APLP1: variants seen among roughly 807,000 people sequenced by gnomAD.
APLP1 encodes the protein amyloid beta precursor like protein 1, also known as amyloid beta (A4) precursor-like protein 1.
In APLP1, 46 loss-of-function variants were observed where a neutral mutation model predicts 84.5. The observed-to-expected ratio is 0.54, with a 90% CI of 0.43 to 0.70. APLP1 has a LOEUF of 0.70. Ranked by LOEUF, APLP1 falls within the 30% of genes least tolerant of loss-of-function variation. The probability of loss-of-function intolerance (pLI) is 0.00; values close to 1 mark genes in which losing one functional copy is unlikely to be tolerated. For synonymous variants in APLP1, 376 were observed against 364.0 expected (o/e 1.03, Z -0.38); for missense variants, 826 against 900.2 (o/e 0.92, Z 1.05).
rs1974060231 is a variant in APLP1, at chr19:35,868,848, C to T, written c.147+65C>T. 1.6e-6 allele frequency: 2 copies of T among 1,239,210 alleles called. No homozygotes were observed. The highest frequency in any genetic ancestry group is 6.4e-5 in the East Asian group (2 of 31,128). The allele number at this position is 1,239,210 out of a possible 1,614,324, so 76.8% of individuals were successfully genotyped here. A position where few individuals can be genotyped will look rare whatever the true frequency, so the allele number is the denominator to read the frequency against. ...GGGACCGGGTCTCTGGACGCCGGCG[C>T]GGACATGTCCAGGGCAGAAAGCGCG... On this transcript the variant is annotated intron_variant, in intron 1 of 16. Transcript: ENST00000221891. This position sits in a 1 kb window ranked among gnomAD's most constrained non-coding sequence, Gnocchi z 5.2.
At chr19:35,875,603 G>A (rs1312977205) in intron 10 of APLP1, among the ~76,000 whole-genome samples, 1 of 152,116 alleles carries the variant, frequency 6.6e-6, no homozygotes, top group African/African-American at 2.4e-5. Flanking sequence ...TTACAGGTGT[G>A]AGCCACCACG....
chr19:35,878,918 C>T lies in APLP1; in HGVS notation c.1679C>T (p.Pro560Leu). 1 of 1,614,150 alleles carries T rather than the reference C, an allele frequency of 6.2e-7. No homozygotes were observed. The highest frequency in any genetic ancestry group is 1.1e-5 in the South Asian group (1 of 91,078). ...KVNASVPRGFPFHSSEIQRDE... is the reference protein window; with the variant it reads ...KVNASVPRGFLFHSSEIQRDE... ...AATGCGTCTGTTCCAAGGGGTTTCC[C>T]TTTCCACTCATCGGAGATTCAGAGG... is the stretch of plus-strand genomic sequence containing the variant. The change falls in exon 15 of 17, where the codon CCT (proline) becomes CTT (leucine). Residue 560 changes from proline to leucine, a missense_variant. Coordinates refer to ENST00000221891, the MANE Select transcript of APLP1 (RefSeq NM_001024807.3).
Position 35,877,742 on chromosome 19 carries a change from T to C in APLP1, c.1469T>C (p.Leu490Pro), listed in dbSNP as rs755121873. The part of the protein sequence containing the change: ...QIQELLHSEH[L>P]GPSELEAPAP... Reference sequence around the variant, plus strand: ...GAGGAACTCCTCCACTCTGAACACCTGGGTCCCAGTGAATTGGAAGCCCCT... The same window carrying C: ...GAGGAACTCCTCCACTCTGAACACCCGGGTCCCAGTGAATTGGAAGCCCCT... Residue 490 changes from leucine (L) to proline (P), a missense_variant, in exon 12 of 17, where the codon CTG becomes CCG. Leu to Pro is a moderately conservative substitution (Grantham distance 98). Coordinates refer to ENST00000221891, the MANE Select transcript of APLP1 (RefSeq NM_001024807.3). 2.5e-6 allele frequency: 4 copies of C among 1,610,734 alleles called. No homozygotes were observed. Among genetic ancestry groups the C allele is most frequent in the Non-Finnish European group, 2.5e-6 (3 of 1,179,076 alleles).
chr19:35,876,421 C>A, intron 10 of APLP1, 96 bp from the exon 11 acceptor site: 1 of 1,073,838 alleles, frequency 9.3e-7, no homozygotes, highest in Non-Finnish European at 1.4e-6. Context: ...TGCCGCTTTT[C>A]CTCAGTCGCT....
rs749914764 is a variant in APLP1, at chr19:35,876,587, AC to A, written c.1417del (p.Leu473TrpfsTer50). The A allele has an allele frequency of 6.2e-7, 1 of 1,612,758 alleles. No homozygotes were observed. Among genetic ancestry groups the A allele is most frequent in the South Asian group, 1.1e-5 (1 of 90,896 alleles). On this transcript the variant is annotated frameshift_variant, in exon 11 of 17. Coordinates refer to ENST00000221891, the MANE Select transcript of APLP1 (RefSeq NM_001024807.3). LOFTEE classifies it high-confidence loss of function. ...CTGGGCCTGCTTGACCAGAACCCCCACCTGGCTCAGGAGCTGCGGCCCCAAA... is the reference window on the plus strand; with the variant it reads ...CTGGGCCTGCTTGACCAGAACCCCCACTGGCTCAGGAGCTGCGGCCCCAAA... The part of the protein sequence containing the change: ...QSLGLLDQNP[H>X]LAQELRPQIQ...
At chr19:35,875,986 G>T (rs1974274138) in intron 10 of APLP1, among the ~76,000 whole-genome samples, 1 of 151,338 alleles carries the variant, frequency 6.6e-6, no homozygotes, top group Non-Finnish European at 1.5e-5. Context: ...TGTTGCCCAG[G>T]CTAGTCTCAA....
At chr19:35,869,316 G>A (rs774688450) in intron 1 of APLP1, 2 of 538,000 alleles carry the variant, frequency 3.7e-6, no homozygotes, top group African/African-American at 2.0e-5. Context: ...CTGAGCAAGG[G>A]ATGGAGGGAG....
chr19:35,874,810 C>G lies in APLP1; in HGVS notation c.1285C>G (p.Arg429Gly). 2.5e-6 allele frequency: 4 copies of G among 1,612,648 alleles called. No homozygotes were observed. The highest frequency in any genetic ancestry group is 3.4e-6 in the Non-Finnish European group (4 of 1,179,978). ...GCAGAAGGAACAGAGGCACACGCTG[C>G]GCCACTACCAGCATGTGGCCGCCGT... ...AEQKEQRHTL[R>G]HYQHVAAVDP... Residue 429 changes from arginine (R) to glycine (G), a missense_variant, in exon 10 of 17, where the codon CGC becomes GGC. Physicochemically the swap from Arg to Gly is moderately radical, Grantham distance 125 (BLOSUM62 -2). This residue lies in a region of APLP1 where 433 missense variants were observed against 496.5 expected (regional missense o/e 0.87). Coordinates refer to ENST00000221891, the MANE Select transcript of APLP1 (RefSeq NM_001024807.3). This position sits in a 1 kb window ranked among gnomAD's most constrained non-coding sequence, Gnocchi z 6.4.
In APLP1 at chr19:35,874,474, C is replaced by T. The variant is rs767876178; in HGVS notation, c.1057-30C>T. 3 of 1,612,814 alleles carry T rather than the reference C, an allele frequency of 1.9e-6. No individual in the cohort carries two copies. Among genetic ancestry groups the T allele is most frequent in the African/African-American group, 1.3e-5 (1 of 75,052 alleles). ...ACCAGGCTTTGACCCATCTTCTCCT[C>T]TCCTGACCCTGTGCCCACCCGCTCC... is the stretch of plus-strand genomic sequence containing the variant. On this transcript the variant is annotated intron_variant, in intron 8 of 16. Transcript: ENST00000221891. The surrounding 1 kb of genome is among the most constrained non-coding windows in gnomAD (Gnocchi z 6.4).
chr19:35,878,788 G>T, intron 14 of APLP1, 102 bp from the exon 15 acceptor site: 1 of 1,550,474 alleles, frequency 6.4e-7, no homozygotes, highest in Non-Finnish European at 8.9e-7. Flanking sequence ...GTGGAATTGA[G>T]ATCCTAGAAA....
intron 1 of APLP1, 38 bp from the exon 2 acceptor site, chr19:35,869,628 GC>G: frequency 1.2e-6 from 2 of 1,605,784 alleles, no homozygotes; most frequent in Non-Finnish European, 8.5e-7. Context: ...TCATGCCAAC[GC>G]CCCCCGAGCC....
At chr19:35,872,682 G>T in intron 7 of APLP1, 69 bp downstream of exon 7, 1 of 1,529,964 alleles carries the variant, frequency 6.5e-7, no homozygotes, top group Non-Finnish European at 8.8e-7. Context: ...AATTCCTCCA[G>T]GACACATTGA....
At chr19:35,877,973 A>G in intron 12 of APLP1, 109 bp from the exon 13 acceptor site, 1 of 1,376,114 alleles carries the variant, frequency 7.3e-7, no homozygotes, top group Non-Finnish European at 1.0e-6. Flanking sequence ...GGGCCTCTGT[A>G]GGATCCCCAA....
intron 1 of APLP1, chr19:35,869,342 C>T: frequency 1.8e-6 from 1 of 555,024 alleles, no homozygotes; most frequent in East Asian, 3.3e-5. Context: ...GCCAGAACTC[C>T]TGGGTTCTGG....
rs769317837 is a variant in APLP1, at chr19:35,877,805, A to T, written c.1532A>T (p.Gln511Leu). The T allele has an allele frequency of 1.1e-5, 18 of 1,610,692 alleles. No individual in the cohort carries two copies. Among genetic ancestry groups the T allele is most frequent in the Non-Finnish European group, 1.5e-5 (18 of 1,179,074 alleles). Residue 511 changes from glutamine (Q) to leucine (L), a missense_variant, in exon 12 of 17, where the codon CAG becomes CTG. Coordinates refer to ENST00000221891, the MANE Select transcript of APLP1 (RefSeq NM_001024807.3). ...GGSSEDKGGL[Q>L]PPDSKDADTP... ...AGCAGCGAGGACAAGGGTGGGCTGC[A>T]GCCTCCAGATTCCAAGGATGGTGAG...
chr19:35,871,401 C>T, intron 4 of APLP1, 52 bp downstream of exon 4: 2 of 1,478,202 alleles, frequency 1.4e-6, no homozygotes, highest in Non-Finnish European at 1.9e-6. Context: ...GGAACTGGGA[C>T]CTCTAACACC....
chr19:35,872,125 G>T (rs1974170656), intron 6 of APLP1, 89 bp downstream of exon 6: 2 of 1,470,882 alleles, frequency 1.4e-6, no homozygotes, highest in Non-Finnish European at 1.8e-6. Flanking sequence ...TTTGGGAGGG[G>T]CCTATAGGGG....
chr19:35,870,721 T>G, intron 2 of APLP1, 175 bp from the exon 3 acceptor site: 2 of 815,670 alleles, frequency 2.5e-6, no homozygotes. Flanking sequence ...GAGGAGGAGG[T>G]TGCAGTGAGC....
At chr19:35,878,534 A>C (rs920344987) in intron 13 of APLP1, 50 bp from the exon 14 acceptor site, 22 of 1,567,366 alleles carry the variant, frequency 1.4e-5, no homozygotes, top group Non-Finnish European at 1.9e-5. Context: ...TGACAGAGTG[A>C]GACTCTGTCT....
Sources: allele counts gnomAD v4.1 joint callset (sites outside exome capture counted in the v4.1 genomes callset), GRCh38; gene constraint gnomAD v4.1.1; regional missense constraint gnomAD v4.1.1; non-coding constraint Gnocchi (gnomAD v3.1); transcripts MANE v1.5; gene names NCBI Gene and HGNC (gene_info 2026-07-23, HGNC 2026-07-21).